The following ASIC2 variants were observed in gnomAD, a reference collection of about 807,000 sequenced individuals.
The protein encoded by ASIC2 is acid sensing ion channel subunit 2.
Under a neutral mutation model 57.3 loss-of-function variants are expected in ASIC2, and 25 were observed. The observed-to-expected ratio is 0.44, with a 90% CI of 0.32 to 0.61. ASIC2 has a LOEUF of 0.61. ASIC2 is among the 20% of genes least tolerant of loss of function. The pLI is 0.06. For missense variants in ASIC2, 641 were observed against 738.1 expected, an observed-to-expected ratio of 0.87 and a Z score of 1.52; for synonymous variants, 319 against 307.5, an observed-to-expected ratio of 1.04 and a Z score of -0.39.
chr17:33,839,427 C>A (rs1187810573), intron 1 of ASIC2, among the ~76,000 whole-genome samples: 1 of 152,326 alleles, frequency 6.6e-6, no homozygotes, highest in Non-Finnish European at 1.5e-5. Flanking sequence ...TTAATTAATT[C>A]AAGCAAAACT....
intron 1 of ASIC2, among the ~76,000 whole-genome samples, chr17:33,956,466 C>T (rs1020053744): frequency 6.6e-6 from 1 of 152,158 alleles, no homozygotes; most frequent in African/African-American, 2.4e-5. Context: ...TGTCTCTCTC[C>T]ACATCTACTT....
At chr17:33,199,750 T>C (rs994148723) in intron 1 of ASIC2, among the ~76,000 whole-genome samples, 5 of 152,188 alleles carry the variant, frequency 3.3e-5, no homozygotes, top group African/African-American at 4.8e-5. Flanking sequence ...TAAAGACTAC[T>C]TCCTATGTGT....
chr17:33,598,603 A>C (rs893005257), intron 1 of ASIC2, among the ~76,000 whole-genome samples: 7 of 152,356 alleles, frequency 4.6e-5, no homozygotes, highest in Admixed American at 3.9e-4. Flanking sequence ...GAGAAGAAGC[A>C]AATGGACAGA....
chr17:33,859,895 G>T (rs1914060763), intron 1 of ASIC2, among the ~76,000 whole-genome samples: 1 of 152,170 alleles, frequency 6.6e-6, no homozygotes, highest in Non-Finnish European at 1.5e-5. Flanking sequence ...CTGTTGCCCA[G>T]GCTGGTCTTG....
At chr17:34,137,225 GGACAAAACA>G (rs112074717) in intron 1 of ASIC2, among the ~76,000 whole-genome samples, 1 of 152,086 alleles carries the variant, frequency 6.6e-6, no homozygotes, top group Admixed American at 6.6e-5. Flanking sequence ...TATCCATCCT[GGACAAAACA>G]GACAAAATGA....
chr17:34,040,091 G>A (rs1428992047), intron 1 of ASIC2, among the ~76,000 whole-genome samples: 2 of 137,016 alleles, frequency 1.5e-5, no homozygotes, highest in Non-Finnish European at 3.1e-5. Flanking sequence ...GCAGATCCCC[G>A]GGCTCGCGTA....
intron 1 of ASIC2, among the ~76,000 whole-genome samples, chr17:33,993,377 G>T (rs1906058662): frequency 6.6e-6 from 1 of 152,170 alleles, no homozygotes; most frequent in Admixed American, 6.6e-5. Flanking sequence ...AGCAGCCTCA[G>T]CCTACAAGTC....
At chr17:34,099,778 GA>G in intron 1 of ASIC2, among the ~76,000 whole-genome samples, 1 of 39,990 alleles carries the variant, frequency 2.5e-5, no homozygotes, top group East Asian at 5.6e-4. Flanking sequence ...AAGAAAGAAA[GA>G]AAGAAAGAAA....
intron 1 of ASIC2, among the ~76,000 whole-genome samples, chr17:33,544,377 T>C (rs901465738): frequency 6.6e-6 from 1 of 152,336 alleles, no homozygotes; most frequent in Admixed American, 6.5e-5. Context: ...GTGTAACAAA[T>C]GTTTTCATTT....
rs117574890 is a variant in ASIC2, at chr17:34,132,177, A to G, written c.555+23801T>C. On this transcript the variant is annotated intron_variant, in intron 1 of 9. Coordinates refer to the ASIC2 transcript ENST00000359872. ...TCAGAAAAGTGCTTTAACTTCCTTG[A>G]GTTTGAATCTCCTAGTGTGTCCGGA... Among the ~76,000 whole-genome samples, 3 of 152,096 alleles carry G rather than the reference A, an allele frequency of 2.0e-5. No individual in the cohort carries two copies. The South Asian group carries it at 6.2e-4, about 32-fold the overall frequency.
At chr17:33,966,372 C>T (rs866811742) in intron 1 of ASIC2, among the ~76,000 whole-genome samples, 1 of 152,236 alleles carries the variant, frequency 6.6e-6, no homozygotes, top group South Asian at 2.1e-4. Flanking sequence ...CTGAGCATCC[C>T]ATCCAAAAAT....
intron 1 of ASIC2, among the ~76,000 whole-genome samples, chr17:33,200,146 A>G (rs888428077): frequency 4.0e-5 from 6 of 151,328 alleles, no homozygotes; most frequent in African/African-American, 1.5e-4. Context: ...GCTTTCTCTA[A>G]CCCCCGAGCT....
At chr17:33,822,893 G>A (rs762923647) in intron 1 of ASIC2, among the ~76,000 whole-genome samples, 1 of 152,214 alleles carries the variant, frequency 6.6e-6, no homozygotes, top group African/African-American at 2.4e-5. Context: ...AAAATGGAAA[G>A]CTTGATCATA....
intron 1 of ASIC2, among the ~76,000 whole-genome samples, chr17:33,468,903 A>G (rs1912949044): frequency 1.3e-5 from 2 of 152,200 alleles, no homozygotes; most frequent in African/African-American, 4.8e-5. Context: ...GGAATCTGCT[A>G]AAAACATGGA....
At chr17:33,056,037 T>C (rs1333832162) in intron 3 of ASIC2, among the ~76,000 whole-genome samples, 1 of 152,242 alleles carries the variant, frequency 6.6e-6, no homozygotes, top group Non-Finnish European at 1.5e-5. Context: ...AGGATTCTCA[T>C]GCTGGAGCTA....
intron 3 of ASIC2, among the ~76,000 whole-genome samples, chr17:33,034,760 C>T (rs376354918): frequency 4.6e-5 from 7 of 152,102 alleles, no homozygotes; most frequent in African/African-American, 7.2e-5. Context: ...GCTTTTCTCT[C>T]GGTCTTTGCT....
chr17:33,429,889 T>C (rs1442472234), intron 1 of ASIC2, among the ~76,000 whole-genome samples: 5 of 152,126 alleles, frequency 3.3e-5, no homozygotes, highest in African/African-American at 9.7e-5. Flanking sequence ...CCAGTGGCAA[T>C]TGGTGAAAAG....
intron 1 of ASIC2, among the ~76,000 whole-genome samples, chr17:34,113,581 A>G (rs1194784837): frequency 6.6e-6 from 1 of 151,730 alleles, no homozygotes; most frequent in African/African-American, 2.4e-5. Flanking sequence ...AAAAAAAGGA[A>G]GAAGATGAAA....
At chr17:33,848,934 A>G (rs1054977738) in intron 1 of ASIC2, among the ~76,000 whole-genome samples, 18 of 152,368 alleles carry the variant, frequency 1.2e-4, no homozygotes, top group African/African-American at 3.4e-4. Flanking sequence ...GCTAAGAAAA[A>G]GGAAGCTCTG....
Sources: gnomAD v4.1 joint callset for allele counts (sites outside exome capture counted in the v4.1 genomes callset) on GRCh38, gnomAD v4.1.1 for gene constraint, MANE v1.5 for transcripts, NCBI Gene and HGNC (gene_info 2026-07-23, HGNC 2026-07-21) for gene names.